Variants in KCNK1 observed in about 807,000 individuals in gnomAD.
KCNK1 encodes potassium two pore domain channel subfamily K member 1, also known as potassium channel subfamily K member 1.
KCNK1 carries 10 observed loss-of-function variants against 22.2 expected under a neutral mutation model. The ratio of observed to expected loss-of-function variants is 0.45; its 90% CI spans 0.28 to 0.76. The LOEUF (loss-of-function observed/expected upper bound fraction) is 0.76, where lower values mean the gene tolerates loss of function less well. Among genes scored for constraint, KCNK1 ranks in the 30% least tolerant of loss-of-function variants. The probability of loss-of-function intolerance (pLI) is 0.14; values close to 1 mark genes in which losing one functional copy is unlikely to be tolerated. For synonymous variants in KCNK1, 200 were observed against 186.4 expected (o/e 1.07, Z -0.60); for missense variants, 378 against 421.0 (o/e 0.90, Z 0.89).
Position 233,671,580 on chromosome 1 carries a change from A to G in KCNK1, c.*50A>G. 2 of 1,604,524 alleles carry G rather than the reference A, an allele frequency of 1.2e-6. No homozygotes were observed. The highest frequency in any genetic ancestry group is 1.7e-6 in the Non-Finnish European group (2 of 1,173,628). On this transcript the variant is annotated 3_prime_UTR_variant, in exon 3 of 3. Coordinates refer to ENST00000366621, the MANE Select transcript of KCNK1 (RefSeq NM_002245.4). ...AGAGCACCAGGGTCAGGGTGCAAGG[A>G]AGAGGCTTAAGTATGTTCATTTTTA...
intron 1 of KCNK1, among the ~76,000 whole-genome samples, chr1:233,629,216 T>C (rs1657746924): frequency 6.6e-6 from 1 of 152,106 alleles, no homozygotes. Context: ...ACCTAACTGT[T>C]GAATTGTATG....
intron 1 of KCNK1, among the ~76,000 whole-genome samples, chr1:233,632,094 T>A (rs554711077): frequency 6.6e-6 from 1 of 152,186 alleles, no homozygotes; most frequent in Non-Finnish European, 1.5e-5. Flanking sequence ...AGGAAAACAT[T>A]GCGTTGTCTT....
At chr1:233,655,367 A>G (rs1048490888) in intron 1 of KCNK1, among the ~76,000 whole-genome samples, 2 of 152,110 alleles carry the variant, frequency 1.3e-5, no homozygotes, top group African/African-American at 4.8e-5. Context: ...TCTCACCCAT[A>G]TATGATGTAG....
chr1:233,616,851 A>G (rs1214134007), intron 1 of KCNK1, among the ~76,000 whole-genome samples: 4 of 152,222 alleles, frequency 2.6e-5, no homozygotes, highest in Non-Finnish European at 5.9e-5. Context: ...TCTTCCCTAC[A>G]AGGGGAAATA....
intron 1 of KCNK1, among the ~76,000 whole-genome samples, chr1:233,615,622 G>C (rs1001494508): frequency 4.6e-5 from 7 of 152,124 alleles, no homozygotes; most frequent in African/African-American, 1.4e-4. Flanking sequence ...TGTCGTCCTG[G>C]AACCTGGGCC....
At chr1:233,633,483 G>A (rs1336999015) in intron 1 of KCNK1, among the ~76,000 whole-genome samples, 1 of 152,134 alleles carries the variant, frequency 6.6e-6, no homozygotes, top group African/African-American at 2.4e-5. Context: ...CTGAGAATAT[G>A]TGATTTCATT....
chr1:233,614,186 G>A lies in KCNK1; in HGVS notation c.15G>A (p.Leu5=). The change falls in exon 1 of 3, where the codon CTG becomes CTA. Residue 5 remains leucine, a synonymous_variant. Coordinates refer to ENST00000366621, the MANE Select transcript of KCNK1 (RefSeq NM_002245.4). Reference sequence around the variant, plus strand: ...CGGTGGAGAAGATGCTGCAGTCCCTGGCCGGCAGCTCGTGCGTGCGCCTGG... The same window carrying A: ...CGGTGGAGAAGATGCTGCAGTCCCTAGCCGGCAGCTCGTGCGTGCGCCTGG... MLQS[L]AGSSCVRLVE... The A allele has an allele frequency of 1.2e-6, 2 of 1,604,966 alleles. No individual in the cohort carries two copies. The highest frequency in any genetic ancestry group is 1.1e-5 in the South Asian group (1 of 90,522).
At chr1:233,618,719 A>G (rs1383184187) in intron 1 of KCNK1, among the ~76,000 whole-genome samples, 1 of 152,084 alleles carries the variant, frequency 6.6e-6, no homozygotes, top group African/African-American at 2.4e-5. Flanking sequence ...CCCCATCTCT[A>G]TTAAAAATGC....
intron 1 of KCNK1, chr1:233,649,884 A>T: frequency 2.0e-6 from 1 of 512,448 alleles, no homozygotes; most frequent in Non-Finnish European, 4.0e-6. Context: ...TATCTTTAAG[A>T]ACAGGATTCT....
chr1:233,652,418 G>A (rs993252712), intron 1 of KCNK1, among the ~76,000 whole-genome samples: 3 of 152,106 alleles, frequency 2.0e-5, no homozygotes, highest in Non-Finnish European at 4.4e-5. Context: ...TCATGCATCT[G>A]CTTTCAGATC....
At chr1:233,622,250 G>T (rs958419016) in intron 1 of KCNK1, among the ~76,000 whole-genome samples, 2 of 152,180 alleles carry the variant, frequency 1.3e-5, no homozygotes, top group African/African-American at 2.4e-5. Flanking sequence ...TTACTACAAG[G>T]TTGGTTTCAG....
chr1:233,639,743 G>T (rs1381872994), intron 1 of KCNK1, among the ~76,000 whole-genome samples: 1 of 152,184 alleles, frequency 6.6e-6, no homozygotes, highest in African/African-American at 2.4e-5. Flanking sequence ...CGTGAACGTG[G>T]CATTGTGGTT....
chr1:233,666,798 CTTGGG>C lies in KCNK1; in HGVS notation c.562_566del (p.Gly188CysfsTer20), dbSNP rs1558120682. ...GGTGGCCATCGTCCATGCCGTGCTC[CTTGGG>C]TTTGTCACTGTGTCCTGCTTCTTCT... is the stretch of plus-strand genomic sequence containing the variant. On this transcript the variant is annotated frameshift_variant, in exon 2 of 3. Transcript: ENST00000366621. LOFTEE classifies it high-confidence loss of function. The C allele has an allele frequency of 6.2e-7, 1 of 1,614,222 alleles. No homozygotes were observed.
chr1:233,632,938 A>C (rs1225911939), intron 1 of KCNK1, among the ~76,000 whole-genome samples: 2 of 152,000 alleles, frequency 1.3e-5, no homozygotes, highest in East Asian at 3.9e-4. Context: ...CATCCTCTCT[A>C]TTCTCAGAAA....
At chr1:233,657,681 GAAAGA>G (rs1404327800) in intron 1 of KCNK1, among the ~76,000 whole-genome samples, 1 of 147,462 alleles carries the variant, frequency 6.8e-6, no homozygotes, top group Non-Finnish European at 1.5e-5. Flanking sequence ...GAAAGAAAGA[GAAAGA>G]AAAGAAAGAA....
In KCNK1 at chr1:233,614,531, G is replaced by A. The variant is rs2102877782; in HGVS notation, c.355+5G>A. ...GCACCGTGCTCTCCACCACAGGTAG[G>A]GTATCCTGCGCGCCCCCTGGCCGCC... On this transcript the variant is annotated splice_donor_5th_base_variant and intron_variant, in intron 1 of 2. Transcript: ENST00000366621. 1 of 1,564,502 alleles carries A rather than the reference G, an allele frequency of 6.4e-7. No homozygotes were observed. Among genetic ancestry groups the A allele is most frequent in the Non-Finnish European group, 8.7e-7 (1 of 1,152,676 alleles).
intron 1 of KCNK1, among the ~76,000 whole-genome samples, chr1:233,654,133 C>T (rs1376187865): frequency 6.6e-6 from 1 of 151,246 alleles, no homozygotes; most frequent in African/African-American, 2.4e-5. Context: ...TAATAAAGGC[C>T]AGTCTGATAA....
intron 1 of KCNK1, among the ~76,000 whole-genome samples, chr1:233,631,988 T>G (rs536918131): frequency 6.6e-6 from 1 of 152,340 alleles, no homozygotes; most frequent in South Asian, 2.1e-4. Context: ...GCTGTAGCCC[T>G]GGAAGTCAGT....
chr1:233,654,364 A>T (rs1278338922), intron 1 of KCNK1, among the ~76,000 whole-genome samples: 4 of 152,142 alleles, frequency 2.6e-5, no homozygotes, highest in African/African-American at 7.2e-5. Context: ...AAGAAAACAA[A>T]TTTTTTTAAA....
Sources: allele counts gnomAD v4.1 joint callset (sites outside exome capture counted in the v4.1 genomes callset), GRCh38; gene constraint gnomAD v4.1.1; transcripts MANE v1.5; gene names NCBI Gene and HGNC (gene_info 2026-07-23, HGNC 2026-07-21).